The following ZNF730 variants were observed in gnomAD, a reference collection of about 807,000 sequenced individuals.
ZNF730 encodes the protein zinc finger protein 730.
In ZNF730, 12 loss-of-function variants were observed where a neutral mutation model predicts 12.6. The ratio of observed to expected loss-of-function variants is 0.95; its 90% CI spans 0.61 to 1.54. The LOEUF (loss-of-function observed/expected upper bound fraction) is 1.54. Among genes scored for constraint, ZNF730 ranks in the 40% most tolerant of loss-of-function variants. The probability of loss-of-function intolerance (pLI) is 0.00; values close to 1 mark genes in which losing one functional copy is unlikely to be tolerated. For synonymous variants in ZNF730, 194 were observed against 195.8 expected (o/e 0.99, Z 0.08); for missense variants, 643 against 583.5 (o/e 1.10, Z -1.05).
chr19:23,105,347 C>T (rs1410688484), intron 1 of ZNF730, among the ~76,000 whole-genome samples: 1 of 152,016 alleles, frequency 6.6e-6, no homozygotes, highest in Non-Finnish European at 1.5e-5. Context: ...AACTCCTGAC[C>T]TCATGATCCA....
chr19:23,134,139 G>C lies in ZNF730; in HGVS notation c.63G>C (p.Leu21=), dbSNP rs1315775940. 5.0e-6 allele frequency: 8 copies of C among 1,613,124 alleles called. No homozygotes were observed. Among genetic ancestry groups the C allele is most frequent in the Non-Finnish European group, 6.8e-6 (8 of 1,179,650 alleles). The change falls in exon 2 of 4, where the codon CTG becomes CTC. Residue 21 remains leucine (L), a synonymous_variant. Coordinates refer to ENST00000597761, the MANE Select transcript of ZNF730 (RefSeq NM_001277403.2). ...TCTCTCTGGAGGAGTGGCAATGTCT[G>C]GACACCGAACAACAGAATTTATATA... is the stretch of plus-strand genomic sequence containing the variant. The part of the protein sequence containing the change: ...IEFSLEEWQC[L]DTEQQNLYRN...
chr19:23,121,944 T>C (rs1020020058), intron 1 of ZNF730, among the ~76,000 whole-genome samples: 4 of 152,202 alleles, frequency 2.6e-5, no homozygotes, highest in Admixed American at 2.0e-4. Context: ...TAGTTTTCTC[T>C]GCTTTTTAGA....
intron 3 of ZNF730, among the ~76,000 whole-genome samples, chr19:23,139,208 T>A: frequency 6.6e-6 from 1 of 152,190 alleles, no homozygotes; most frequent in East Asian, 1.9e-4. Context: ...ATATCAGAGA[T>A]CCTAACTATA....
At chr19:23,114,571 C>T (rs1444903493), upstream of ZNF730, among the ~76,000 whole-genome samples, 1 of 151,344 alleles carries the variant, frequency 6.6e-6, no homozygotes, top group Admixed American at 6.6e-5. Flanking sequence ...CCAGGATGGT[C>T]TCGATCTCCT....
chr19:23,094,298 TA>T (rs1970210000), intron 1 of ZNF730, among the ~76,000 whole-genome samples: 1 of 151,266 alleles, frequency 6.6e-6, no homozygotes, highest in South Asian at 2.1e-4. Context: ...TTTTTTTTTT[TA>T]AATCAGGCTT....
intron 1 of ZNF730, among the ~76,000 whole-genome samples, chr19:23,093,295 G>T (rs1002435787): frequency 2.6e-5 from 4 of 152,188 alleles, no homozygotes; most frequent in Non-Finnish European, 4.4e-5. Flanking sequence ...TTTTTTGAAA[G>T]AATTTCAGTA....
chr19:23,097,927 T>G (rs963408491), intron 1 of ZNF730, among the ~76,000 whole-genome samples: 2 of 152,048 alleles, frequency 1.3e-5, no homozygotes, highest in Admixed American at 1.3e-4. Context: ...TCACCTGAGG[T>G]CTGGAGTCTA....
chr19:23,137,020 A>G (rs572662851), intron 3 of ZNF730, among the ~76,000 whole-genome samples: 21 of 152,180 alleles, frequency 1.4e-4, no homozygotes, highest in South Asian at 8.3e-4. Flanking sequence ...AATACAAAAA[A>G]TTAGCCGGAC....
In ZNF730 at chr19:23,092,982, T is replaced by G. The variant is rs540504325; in HGVS notation, c.-94+17595T>G. Among the ~76,000 whole-genome samples, 4 of 152,248 alleles carry G rather than the reference T, an allele frequency of 2.6e-5. No individual in the cohort carries two copies. The East Asian group carries it at 7.7e-4, about 29-fold the overall frequency. On this transcript the variant is annotated intron_variant, in intron 1 of 2. Coordinates refer to the ZNF730 transcript ENST00000593635. ...GGAGAAGTCCCTTCTCCTCAATTGT[T>G]TTTTTGTTTTTGTTTTTGTTTTTTT... is the stretch of plus-strand genomic sequence containing the variant.
upstream of ZNF730, among the ~76,000 whole-genome samples, chr19:23,113,378 G>T (rs989863221): frequency 6.6e-6 from 1 of 152,148 alleles, no homozygotes; most frequent in Non-Finnish European, 1.5e-5. Flanking sequence ...GCAATCACCT[G>T]TAGAATATAA....
intron 3 of ZNF730, 123 bp from the exon 4 acceptor site, chr19:23,145,148 A>G: frequency 1.5e-6 from 1 of 667,104 alleles, no homozygotes; most frequent in Admixed American, 3.7e-5. Flanking sequence ...TTATGAAGAA[A>G]TTAGGGCCTG....
intron 2 of ZNF730, among the ~76,000 whole-genome samples, chr19:23,135,400 C>T (rs2145669827): frequency 6.6e-6 from 1 of 151,782 alleles, no homozygotes; most frequent in Non-Finnish European, 1.5e-5. Flanking sequence ...TATTGTTGCT[C>T]ACATCTTAAA....
chr19:23,106,440 A>G (rs1379388930), intron 1 of ZNF730, among the ~76,000 whole-genome samples: 1 of 152,230 alleles, frequency 6.6e-6, no homozygotes, highest in Admixed American at 6.5e-5. Flanking sequence ...GATACAATGT[A>G]GAAAATTTTA....
chr19:23,112,150 C>T (rs978534958), upstream of ZNF730, among the ~76,000 whole-genome samples: 2 of 152,056 alleles, frequency 1.3e-5, no homozygotes, highest in African/African-American at 2.4e-5. Context: ...TTAGAAGGGC[C>T]CCTCCAGACT....
intron 1 of ZNF730, among the ~76,000 whole-genome samples, chr19:23,129,689 T>C (rs971475606): frequency 1.3e-5 from 2 of 151,782 alleles, no homozygotes; most frequent in African/African-American, 2.4e-5. Flanking sequence ...TTTGAGTTGA[T>C]GCTGAAATGA....
chr19:23,134,850 A>G (rs575558069), intron 2 of ZNF730, among the ~76,000 whole-genome samples: 3 of 118,652 alleles, frequency 2.5e-5, no homozygotes, highest in Admixed American at 8.7e-5. Context: ...AGAAGTAGAC[A>G]TGGGAGACTT....
At chr19:23,089,473 G>T (rs911448167) in intron 1 of ZNF730, among the ~76,000 whole-genome samples, 5 of 152,148 alleles carry the variant, frequency 3.3e-5, no homozygotes, top group African/African-American at 1.2e-4. Flanking sequence ...TTATGGGAGG[G>T]ACCGGGGGGA....
intron 1 of ZNF730, among the ~76,000 whole-genome samples, chr19:23,076,906 A>G (rs1280697532): frequency 6.6e-6 from 1 of 152,210 alleles, no homozygotes; most frequent in Non-Finnish European, 1.5e-5. Flanking sequence ...TTGCAGCACA[A>G]TTCACAATAG....
intron 1 of ZNF730, among the ~76,000 whole-genome samples, chr19:23,089,867 C>G (rs1402006295): frequency 6.6e-6 from 1 of 152,028 alleles, no homozygotes; most frequent in African/African-American, 2.4e-5. Flanking sequence ...CAGAAGAAGA[C>G]AGGAAAATGT....
Sources: gnomAD v4.1 joint callset for allele counts (sites outside exome capture counted in the v4.1 genomes callset) on GRCh38, gnomAD v4.1.1 for gene constraint, MANE v1.5 for transcripts, NCBI Gene and HGNC (gene_info 2026-07-23, HGNC 2026-07-21) for gene names.